The following AOPEP variants were observed in gnomAD, a reference collection of about 807,000 sequenced individuals.
The protein encoded by AOPEP is aminopeptidase O (putative).
Under a neutral mutation model 98.1 loss-of-function variants are expected in AOPEP, and 77 were observed. The observed-to-expected ratio is 0.78, with a 90% CI of 0.65 to 0.95. The LOEUF is 0.95. Ranked by LOEUF, AOPEP falls within the 40% of genes least tolerant of loss-of-function variation. The probability of loss-of-function intolerance (pLI) is 0.00; values close to 1 mark genes in which losing one functional copy is unlikely to be tolerated. For missense variants in AOPEP, 1,024 were observed against 1,024.7 expected (o/e 1.00, Z 0.01); for synonymous variants, 346 against 365.3 (o/e 0.95, Z 0.60).
intron 13 of AOPEP, chr9:95,048,942 G>T (rs1343798846): frequency 6.6e-6 from 1 of 152,166 alleles, no homozygotes; most frequent in African/African-American, 2.4e-5. Context: ...TGGGATTTCT[G>T]CAGCCACGCG....
At chr9:95,035,434 C>G (rs112304014) in intron 13 of AOPEP, among the ~76,000 whole-genome samples, 3,179 of 150,308 alleles carry the variant, frequency 0.021, 50 homozygotes, top group Non-Finnish European at 0.034. Context: ...GGTAGTAAAT[C>G]TCTAAGGAAT....
intron 7 of AOPEP, among the ~76,000 whole-genome samples, chr9:94,937,682 T>G (rs2056466698): frequency 6.6e-6 from 1 of 152,246 alleles, no homozygotes; most frequent in South Asian, 2.1e-4. Flanking sequence ...CTCATCATTA[T>G]GACTCAGCAC....
chr9:94,795,548 G>T (rs1163043427), intron 4 of AOPEP, among the ~76,000 whole-genome samples: 2 of 152,208 alleles, frequency 1.3e-5, no homozygotes, highest in African/African-American at 4.8e-5. Flanking sequence ...TGTTAGAGGA[G>T]CTGTGCAGTT....
chr9:94,956,123 A>T, intron 9 of AOPEP, 108 bp downstream of exon 9: 2 of 651,154 alleles, frequency 3.1e-6, no homozygotes, highest in Non-Finnish European at 2.7e-6. Context: ...TTCCCATTTA[A>T]TGCAGTGGGA....
chr9:94,978,295 C>G (rs1292644116), intron 10 of AOPEP, among the ~76,000 whole-genome samples: 1 of 151,682 alleles, frequency 6.6e-6, no homozygotes, highest in Non-Finnish European at 1.5e-5. Context: ...AGAGGCAGAG[C>G]TTAACAACTT....
At chr9:94,983,916 C>T (rs894417357) in intron 11 of AOPEP, among the ~76,000 whole-genome samples, 12 of 146,214 alleles carry the variant, frequency 8.2e-5, no homozygotes, top group African/African-American at 3.0e-4. Flanking sequence ...TGTTGTGGTG[C>T]TTATCTCTTT....
At chr9:95,056,627 G>GA (rs1213074789) in intron 13 of AOPEP, 5 of 151,912 alleles carry the variant, frequency 3.3e-5, no homozygotes, top group Admixed American at 3.3e-4. Flanking sequence ...GGTGGGTTTG[G>GA]AAAATTCATA....
At chr9:95,014,129 A>C (rs2062789262) in intron 13 of AOPEP, among the ~76,000 whole-genome samples, 1 of 152,160 alleles carries the variant, frequency 6.6e-6, no homozygotes. Context: ...GGAACTTTGA[A>C]ATTTAGACAG....
intron 5 of AOPEP, among the ~76,000 whole-genome samples, chr9:94,879,106 C>G (rs924914298): frequency 3.9e-5 from 6 of 152,194 alleles, no homozygotes; most frequent in Non-Finnish European, 1.5e-5. Flanking sequence ...CAAAATATCT[C>G]AAGCACTGAT....
At chr9:94,932,097 C>T (rs1588954378) in intron 7 of AOPEP, 1 of 1,058,134 alleles carries the variant, frequency 9.5e-7, no homozygotes, top group Non-Finnish European at 1.1e-6. Flanking sequence ...ATACCATATT[C>T]CTGTCTTCAG....
At chr9:94,935,246 C>T (rs2056077721) in intron 7 of AOPEP, 1 of 152,302 alleles carries the variant, frequency 6.6e-6, no homozygotes, top group African/African-American at 2.4e-5. Flanking sequence ...TCCCCTTTGC[C>T]TTCTGCCATA....
intron 14 of AOPEP, among the ~76,000 whole-genome samples, chr9:95,076,478 T>C (rs1329657584): frequency 3.3e-5 from 5 of 152,326 alleles, no homozygotes; most frequent in Admixed American, 3.3e-4. Context: ...GCATTATTTG[T>C]AGTATCATAG....
chr9:95,133,840 C>T, the AOPEP span, among the ~76,000 whole-genome samples: 1 of 152,116 alleles, frequency 6.6e-6, no homozygotes, highest in African/African-American at 2.4e-5. Flanking sequence ...TAATTTATGA[C>T]CTTGAATCAC....
chr9:95,007,795 C>A lies in AOPEP; in HGVS notation c.2115+2179C>A, dbSNP rs184994169. Among the ~76,000 whole-genome samples, 79 of 152,260 alleles carry A rather than the reference C, an allele frequency of 5.2e-4. 1 individual carries two copies. The highest frequency in any genetic ancestry group is 5.0e-3 in the Admixed American group (77 of 15,292). On this transcript the variant is annotated intron_variant, in intron 13 of 16. Transcript: ENST00000375315. ...TCAGAGCTTGCTGAGGCAAAACATG[C>A]GATATTTCCAAGGGCCTTCCCCCTA... is the stretch of plus-strand genomic sequence containing the variant.
chr9:94,741,417 C>T (rs952485168), intron 1 of AOPEP, among the ~76,000 whole-genome samples: 3 of 151,924 alleles, frequency 2.0e-5, no homozygotes, highest in Non-Finnish European at 4.4e-5. Flanking sequence ...GGACTACAGG[C>T]GCCCGCCACC....
chr9:94,851,748 A>C (rs568304222), intron 5 of AOPEP, among the ~76,000 whole-genome samples: 1 of 148,650 alleles, frequency 6.7e-6, no homozygotes, highest in African/African-American at 2.5e-5. Flanking sequence ...GTAGTAGCTA[A>C]ATTAACCTAG....
chr9:94,899,599 A>C (rs1318923542), intron 5 of AOPEP, among the ~76,000 whole-genome samples: 2 of 151,588 alleles, frequency 1.3e-5, no homozygotes, highest in African/African-American at 2.4e-5. Flanking sequence ...AAAATTTACA[A>C]ATTAGCCAGA....
intron 11 of AOPEP, among the ~76,000 whole-genome samples, chr9:94,991,598 G>A (rs2060897143): frequency 6.6e-6 from 1 of 152,202 alleles, no homozygotes. Flanking sequence ...AGACCTATGA[G>A]TAGATAATAA....
chr9:95,052,488 A>G (rs1004373), intron 13 of AOPEP, among the ~76,000 whole-genome samples: 119,394 of 152,124 alleles, frequency 0.78, 48,366 homozygotes, highest in Non-Finnish European at 0.89. Flanking sequence ...AGGAAAAACC[A>G]TATTATCACA....
Sources: allele counts gnomAD v4.1 joint callset (sites outside exome capture counted in the v4.1 genomes callset), GRCh38; gene constraint gnomAD v4.1.1; transcripts MANE v1.5; gene names NCBI Gene and HGNC (gene_info 2026-07-23, HGNC 2026-07-21).